Variants in PTPRN2 observed in about 807,000 individuals in gnomAD.
PTPRN2 encodes the protein receptor-type tyrosine-protein phosphatase N2.
In PTPRN2, 74 loss-of-function variants were observed where a neutral mutation model predicts 118.8. The ratio of observed to expected loss-of-function variants is 0.62; its 90% CI spans 0.52 to 0.76. PTPRN2 has a LOEUF of 0.76. Among genes scored for constraint, PTPRN2 ranks in the 30% least tolerant of loss-of-function variants. PTPRN2 has a pLI of 0.00. For synonymous variants in PTPRN2, 641 were observed against 608.0 expected, an observed-to-expected ratio of 1.05 and a Z score of -0.80; for missense variants, 1,481 against 1,394.4, an observed-to-expected ratio of 1.06 and a Z score of -0.99.
intron 3 of PTPRN2, among the ~76,000 whole-genome samples, chr7:158,300,382 G>T (rs1800798753): frequency 1.3e-5 from 2 of 152,006 alleles, no homozygotes; most frequent in South Asian, 4.2e-4. Context: ...ATGGACCTAG[G>T]TAGTCGCCAG....
intron 3 of PTPRN2, among the ~76,000 whole-genome samples, chr7:158,270,888 CCCCCTCCACCT>C (rs1798387826): frequency 1.2e-5 from 1 of 80,972 alleles, no homozygotes; most frequent in Non-Finnish European, 2.4e-5. Flanking sequence ...ACCTGGATGA[CCCCCTCCACCT>C]GGACCACCCC....
chr7:157,542,173 G>A (rs1798045230), intron 22 of PTPRN2, among the ~76,000 whole-genome samples: 1 of 152,140 alleles, frequency 6.6e-6, no homozygotes, highest in South Asian at 2.1e-4. Context: ...GTCCGCAAAC[G>A]TTCTGTCTAA....
intron 19 of PTPRN2, among the ~76,000 whole-genome samples, chr7:157,574,668 C>T (rs1273690474): frequency 6.6e-6 from 1 of 152,182 alleles, no homozygotes; most frequent in Non-Finnish European, 1.5e-5. Flanking sequence ...CGCGCCAGGC[C>T]AGAGTGAGAA....
intron 12 of PTPRN2, among the ~76,000 whole-genome samples, chr7:157,698,670 A>G (rs573518627): frequency 6.6e-6 from 1 of 152,374 alleles, no homozygotes; most frequent in South Asian, 2.1e-4. Context: ...AGGTACTTAT[A>G]AACAGTGCAG....
intron 2 of PTPRN2, among the ~76,000 whole-genome samples, chr7:158,381,772 T>G (rs1049969612): frequency 4.6e-5 from 7 of 152,180 alleles, no homozygotes; most frequent in Admixed American, 6.5e-5. Flanking sequence ...GTGATTTAAT[T>G]GACTCACAGT....
intron 10 of PTPRN2, among the ~76,000 whole-genome samples, chr7:158,094,633 C>T (rs1282738779): frequency 3.3e-5 from 5 of 152,224 alleles, no homozygotes; most frequent in African/African-American, 7.2e-5. Flanking sequence ...ATTGCAGCTT[C>T]GCTCTCATGA....
intron 2 of PTPRN2, among the ~76,000 whole-genome samples, chr7:158,386,151 C>T (rs1811340189): frequency 7.0e-6 from 1 of 142,358 alleles, no homozygotes. Context: ...TCCCTCCTCC[C>T]ATGCCCTGAG....
rs1554496189 is a variant in PTPRN2 at position 157,578,149 on chromosome 7, AAAG to A, written c.2497-12_2497-10del. 3.1e-6 allele frequency: 5 copies of A among 1,603,264 alleles called. No individual in the cohort carries two copies. The highest frequency in any genetic ancestry group is 4.3e-6 in the Non-Finnish European group (5 of 1,173,086). On this transcript the variant is annotated splice_polypyrimidine_tract_variant and intron_variant, in intron 17 of 22. Transcript: ENST00000389418. ...CCGCTCTCCCACACCATCTGCGGAC[AAAG>A]AAGGCCCGTGGCCGCGGTGTGACTG...
chr7:157,668,779 G>C (rs973118221), intron 13 of PTPRN2, among the ~76,000 whole-genome samples: 2 of 152,208 alleles, frequency 1.3e-5, no homozygotes, highest in South Asian at 4.1e-4. Flanking sequence ...CGTGACGACA[G>C]GAAATCTAAA....
chr7:158,585,641 C>A (rs1196330723), intron 1 of PTPRN2, among the ~76,000 whole-genome samples: 1 of 152,204 alleles, frequency 6.6e-6, no homozygotes, highest in Non-Finnish European at 1.5e-5. Flanking sequence ...CATGCACTTC[C>A]ATCTTTGGGT....
At chr7:157,890,377 C>T (rs1363989444) in intron 12 of PTPRN2, among the ~76,000 whole-genome samples, 1 of 152,190 alleles carries the variant, frequency 6.6e-6, no homozygotes, top group Admixed American at 6.5e-5. Context: ...CACGGTGGCT[C>T]AGGCTTGTAA....
Position 157,868,677 on chromosome 7 carries a change from T to A in PTPRN2, c.1788+29996A>T, listed in dbSNP as rs1810868840. The A allele has an allele frequency of 6.6e-6, 1 of 152,120 alleles. No individual in the cohort carries two copies. Among genetic ancestry groups the A allele is most frequent in the South Asian group, 2.1e-4 (1 of 4,814 alleles). 9.4% of individuals were successfully genotyped at this position (152,120 alleles called of 1,614,324 possible). Reference sequence around the variant, plus strand: ...AGGGGCTATGCCTTCCCTTGCTCACTCCCTCCCTCACCCACCTGCCCACTC... The same window carrying A: ...AGGGGCTATGCCTTCCCTTGCTCACACCCTCCCTCACCCACCTGCCCACTC... On this transcript the variant is annotated intron_variant, in intron 12 of 22. Coordinates refer to ENST00000389418, the MANE Select transcript of PTPRN2 (RefSeq NM_002847.5). This position sits in a 1 kb window ranked among gnomAD's most constrained non-coding sequence, Gnocchi z 5.2.
At chr7:157,967,298 A>T (rs967301500) in intron 11 of PTPRN2, among the ~76,000 whole-genome samples, 1 of 152,242 alleles carries the variant, frequency 6.6e-6, no homozygotes, top group African/African-American at 2.4e-5. Flanking sequence ...CGACAGAGTG[A>T]GACCCTATCT....
At chr7:157,546,235 C>T (rs2116979256) in intron 22 of PTPRN2, among the ~76,000 whole-genome samples, 1 of 152,274 alleles carries the variant, frequency 6.6e-6, no homozygotes, top group South Asian at 2.1e-4. Flanking sequence ...ATCTGGGCAA[C>T]AGGGCTGGGG....
chr7:158,199,801 G>T (rs976374011), intron 4 of PTPRN2, among the ~76,000 whole-genome samples: 4 of 118,730 alleles, frequency 3.4e-5, no homozygotes, highest in Admixed American at 8.1e-5. Context: ...CTGGTGAAGG[G>T]CACAGGCAGG....
intron 22 of PTPRN2, among the ~76,000 whole-genome samples, chr7:157,547,123 A>G (rs1798360888): frequency 6.6e-6 from 1 of 152,088 alleles, no homozygotes; most frequent in Non-Finnish European, 1.5e-5. Context: ...GGAGGAAACT[A>G]CTTTGAATTT....
intron 12 of PTPRN2, among the ~76,000 whole-genome samples, chr7:157,751,434 A>G (rs1293870191): frequency 6.6e-6 from 1 of 152,182 alleles, no homozygotes; most frequent in African/African-American, 2.4e-5. Context: ...TTTAGCACCC[A>G]GGCATCAAGA....
At chr7:157,630,157 G>A (rs998146877) in intron 14 of PTPRN2, among the ~76,000 whole-genome samples, 1 of 152,164 alleles carries the variant, frequency 6.6e-6, no homozygotes, top group Non-Finnish European at 1.5e-5. Context: ...ACAGCTATGG[G>A]GGCTTCGGGA....
chr7:157,595,606 C>A (rs534558120), intron 16 of PTPRN2, among the ~76,000 whole-genome samples: 1,220 of 114,946 alleles, frequency 0.011, 42 homozygotes, highest in East Asian at 0.07. Context: ...TTAGGAAGCC[C>A]GGAGGTTAGG....
Sources: allele counts gnomAD v4.1 joint callset (sites outside exome capture counted in the v4.1 genomes callset), GRCh38; gene constraint gnomAD v4.1.1; non-coding constraint Gnocchi (gnomAD v3.1); transcripts MANE v1.5; gene names NCBI Gene and HGNC (gene_info 2026-07-23, HGNC 2026-07-21).